PLCZ1: variants seen among roughly 807,000 people sequenced by gnomAD.
PLCZ1 encodes phospholipase C zeta 1.
A neutral mutation model predicts 76.8 loss-of-function variants in PLCZ1; 64 were observed. That is an observed-to-expected ratio of 0.83 (90% CI 0.68 to 1.03). The LOEUF is 1.03. Ranked by LOEUF, PLCZ1 falls within the 50% of genes least tolerant of loss-of-function variation. PLCZ1 has a pLI of 0.00. For synonymous variants in PLCZ1, 248 were observed against 230.8 expected (o/e 1.07, Z -0.68); for missense variants, 751 against 713.7 (o/e 1.05, Z -0.60).
chr12:18,723,547 T>C lies in PLCZ1; in HGVS notation c.136-5A>G, dbSNP rs755074551. 1 of 1,606,876 alleles carries C rather than the reference T, an allele frequency of 6.2e-7. No homozygotes were observed. The highest frequency in any genetic ancestry group is 2.2e-5 in the East Asian group (1 of 44,720). ...TTGTTTCAGCCTGTCATTGTCCTAC[T>C]AAAAAAATGACTGGTGGGCTCACAT... On this transcript the variant is annotated splice_region_variant and splice_polypyrimidine_tract_variant and intron_variant, in intron 3 of 14. Coordinates refer to ENST00000266505, the MANE Select transcript of PLCZ1 (RefSeq NM_033123.4).
the PLCZ1 span, among the ~76,000 whole-genome samples, chr12:18,645,717 A>G: frequency 1.3e-5 from 2 of 152,170 alleles, no homozygotes; most frequent in Non-Finnish European, 2.9e-5. Context: ...CTTCCTCCCT[A>G]TAATGCTAAA....
intron 3 of PLCZ1, 97 bp from the exon 4 acceptor site, chr12:18,723,639 G>T (rs1338818025): frequency 6.4e-6 from 6 of 937,076 alleles, no homozygotes; most frequent in South Asian, 4.4e-5. Flanking sequence ...ATTTATACTT[G>T]AAAGAAGATG....
rs530250826 is a variant in PLCZ1, at chr12:18,712,747, T to C, written c.714+95A>G. The C allele has an allele frequency of 1.4e-4, 196 of 1,436,410 alleles. No homozygotes were observed. In the African/African-American group the frequency reaches 2.5e-3, roughly 18 times the overall value. 89.0% of individuals were successfully genotyped at this position (1,436,410 alleles called of 1,614,324 possible). On this transcript the variant is annotated intron_variant, in intron 6 of 14. Transcript: ENST00000266505. ...TCATAACCCACAATTTGAAATATCATCTAAAGTAAGGCTAAGCATTATAGG... is the reference window on the plus strand; with the variant it reads ...TCATAACCCACAATTTGAAATATCACCTAAAGTAAGGCTAAGCATTATAGG...
the PLCZ1 span, among the ~76,000 whole-genome samples, chr12:18,667,781 T>C: frequency 6.6e-6 from 1 of 152,302 alleles, no homozygotes; most frequent in African/African-American, 2.4e-5. Flanking sequence ...AGAAATGTCC[T>C]TGAGCCCAGC....
chr12:18,671,504 T>C, the PLCZ1 span, among the ~76,000 whole-genome samples: 16,098 of 152,120 alleles, frequency 0.11, 1,094 homozygotes, highest in African/African-American at 0.19. Context: ...ACTCCAGAGC[T>C]ACAGCATTCA....
the PLCZ1 span, among the ~76,000 whole-genome samples, chr12:18,667,316 A>C: frequency 6.6e-6 from 1 of 152,142 alleles, no homozygotes; most frequent in African/African-American, 2.4e-5. Flanking sequence ...TGGTGGGAGA[A>C]ACCTCCTACC....
the PLCZ1 span, among the ~76,000 whole-genome samples, chr12:18,655,703 A>G: frequency 9.3e-5 from 14 of 151,340 alleles, no homozygotes; most frequent in Non-Finnish European, 1.6e-4. Context: ...GTGGCACTTT[A>G]CCTCTGAGGT....
the PLCZ1 span, among the ~76,000 whole-genome samples, chr12:18,672,351 A>G: frequency 6.6e-6 from 1 of 152,158 alleles, no homozygotes; most frequent in Non-Finnish European, 1.5e-5. Flanking sequence ...GAAAAGGGAA[A>G]GGTTTTTAAT....
chr12:18,694,133 T>A, intron 12 of PLCZ1: 1 of 876,966 alleles, frequency 1.1e-6, no homozygotes, highest in Non-Finnish European at 1.8e-6. Flanking sequence ...AATGGTTGGG[T>A]GATTTCTCAG....
intron 3 of PLCZ1, among the ~76,000 whole-genome samples, chr12:18,732,542 C>T (rs778942451): frequency 2.6e-5 from 4 of 152,306 alleles, no homozygotes; most frequent in South Asian, 2.1e-4. Flanking sequence ...TTATTTATCA[C>T]GGGTACTATG....
chr12:18,678,643 A>C (rs1473708842), downstream of PLCZ1, among the ~76,000 whole-genome samples: 1 of 152,006 alleles, frequency 6.6e-6, no homozygotes, highest in Non-Finnish European at 1.5e-5. Context: ...CATTCATTTT[A>C]ATCATTTTGA....
At chr12:18,720,314 T>C (rs1227947968) in intron 4 of PLCZ1, among the ~76,000 whole-genome samples, 2 of 151,886 alleles carry the variant, frequency 1.3e-5, no homozygotes, top group Non-Finnish European at 2.9e-5. Context: ...CAAATTGTGC[T>C]GCCAAAAATA....
At chr12:18,725,947 T>C (rs1400989684) in intron 3 of PLCZ1, among the ~76,000 whole-genome samples, 4 of 152,102 alleles carry the variant, frequency 2.6e-5, no homozygotes, top group Admixed American at 6.6e-5. Context: ...TCCACTTTCT[T>C]CTCTTACAGG....
At chr12:18,734,509 T>C (rs777642386) in intron 3 of PLCZ1, among the ~76,000 whole-genome samples, 12 of 152,040 alleles carry the variant, frequency 7.9e-5, no homozygotes, top group Non-Finnish European at 1.8e-4. Flanking sequence ...CACTACCACG[T>C]CTGGCTAATT....
At chr12:18,692,975 G>C in intron 12 of PLCZ1, 1 of 1,425,150 alleles carries the variant, frequency 7.0e-7, no homozygotes, top group Admixed American at 1.7e-5. Context: ...TGAAGTTAGA[G>C]AGAATTAAAG....
chr12:18,691,146 A>C lies in PLCZ1; in HGVS notation c.1462-2928T>G, dbSNP rs1159939839. 2.0e-5 allele frequency among the ~76,000 whole-genome samples: 3 copies of C among 152,096 alleles called. No individual in the cohort carries two copies. The East Asian group carries it at 5.8e-4, about 29-fold the overall frequency. ...GAGAAGGAAAATATTTAGGAATAGA[A>C]TCAGCAGAATTTAACGTTGGTCTGG... On this transcript the variant is annotated intron_variant, in intron 12 of 14. Transcript: ENST00000266505.
intron 3 of PLCZ1, among the ~76,000 whole-genome samples, chr12:18,730,764 A>C (rs995016097): frequency 6.6e-6 from 1 of 152,198 alleles, no homozygotes; most frequent in Non-Finnish European, 1.5e-5. Context: ...AGATAACATA[A>C]AGAAACTTGA....
intron 6 of PLCZ1, among the ~76,000 whole-genome samples, chr12:18,709,188 T>C (rs1438596193): frequency 6.6e-6 from 1 of 152,160 alleles, no homozygotes; most frequent in Non-Finnish European, 1.5e-5. Context: ...ACATGATTTG[T>C]TGTGTATGGT....
rs538799701 is a variant in PLCZ1, at chr12:18,705,809, CG to C, written c.715-495del. Among the ~76,000 whole-genome samples, 11 of 151,972 alleles carry C rather than the reference CG, an allele frequency of 7.2e-5. No individual in the cohort carries two copies. The South Asian group carries it at 2.3e-3, about 32-fold the overall frequency. ...TGAACCCGGGAGGCAGAGATTACAA[CG>C]AGCCGAGGTTGCGCCATTGCATTCC... is the stretch of plus-strand genomic sequence containing the variant. On this transcript the variant is annotated intron_variant, in intron 6 of 14. Transcript: ENST00000266505.
Sources: allele counts gnomAD v4.1 joint callset (sites outside exome capture counted in the v4.1 genomes callset), GRCh38; gene constraint gnomAD v4.1.1; transcripts MANE v1.5; gene names NCBI Gene and HGNC (gene_info 2026-07-23, HGNC 2026-07-21).